Variants in PRKG1 observed in about 807,000 individuals in gnomAD.
The protein encoded by PRKG1 is cGMP-dependent protein kinase 1.
PRKG1 carries 35 observed loss-of-function variants against 88.1 expected under a neutral mutation model. The observed-to-expected ratio is 0.40, with a 90% CI of 0.30 to 0.53. The LOEUF is 0.53. Among genes scored for constraint, PRKG1 ranks in the 20% least tolerant of loss-of-function variants. The pLI, the probability that PRKG1 is intolerant of heterozygous loss-of-function variation, is 0.59. For synonymous variants in PRKG1, 303 were observed against 292.5 expected, an observed-to-expected ratio of 1.04 and a Z score of -0.37; for missense variants, 540 against 839.8, an observed-to-expected ratio of 0.64 and a Z score of 4.41.
chr10:51,437,894 A>G (rs981995675), intron 2 of PRKG1, among the ~76,000 whole-genome samples: 2 of 150,638 alleles, frequency 1.3e-5, no homozygotes, highest in African/African-American at 4.9e-5. Flanking sequence ...ATAATTTACA[A>G]GACAAGACAG....
intron 1 of PRKG1, among the ~76,000 whole-genome samples, chr10:51,121,358 AATT>A (rs1384047819): frequency 2.6e-5 from 4 of 152,148 alleles, no homozygotes; most frequent in Admixed American, 2.6e-4. Context: ...TGATGGAGGA[AATT>A]ATTATATTAT....
chr10:51,455,335 T>G (rs1008058996), intron 2 of PRKG1, among the ~76,000 whole-genome samples: 2 of 152,264 alleles, frequency 1.3e-5, no homozygotes, highest in African/African-American at 4.8e-5. Flanking sequence ...GTCTCTGACA[T>G]GCCCTGTAGA....
chr10:51,565,704 G>A (rs761550813), intron 3 of PRKG1, among the ~76,000 whole-genome samples: 9 of 151,988 alleles, frequency 5.9e-5, no homozygotes, highest in Admixed American at 6.6e-5. Context: ...TAAAACACTT[G>A]TTCCTGAAAA....
chr10:52,100,596 C>T (rs1847273455), intron 7 of PRKG1, among the ~76,000 whole-genome samples: 1 of 152,174 alleles, frequency 6.6e-6, no homozygotes, highest in East Asian at 1.9e-4. Flanking sequence ...TAAACCTTGA[C>T]AACTATGCAA....
intron 4 of PRKG1, among the ~76,000 whole-genome samples, chr10:51,894,679 G>C (rs986709457): frequency 6.6e-6 from 1 of 152,092 alleles, no homozygotes; most frequent in Non-Finnish European, 1.5e-5. Context: ...TTTGACCAAA[G>C]ATCTGTTATA....
At chr10:51,628,411 C>T (rs891450943) in intron 3 of PRKG1, among the ~76,000 whole-genome samples, 6 of 151,666 alleles carry the variant, frequency 4.0e-5, no homozygotes, top group Non-Finnish European at 5.9e-5. Flanking sequence ...ATTCCACCCG[C>T]CTCGCCCTCC....
chr10:51,238,730 C>A (rs1439203053), intron 2 of PRKG1, among the ~76,000 whole-genome samples: 2 of 149,872 alleles, frequency 1.3e-5, no homozygotes, highest in Admixed American at 1.3e-4. Context: ...CACTGCACTC[C>A]AGCCTGGGAG....
chr10:52,266,457 G>A (rs1237178763), intron 10 of PRKG1, among the ~76,000 whole-genome samples: 1 of 151,702 alleles, frequency 6.6e-6, no homozygotes, highest in Non-Finnish European at 1.5e-5. Context: ...ACTTATAAGT[G>A]AGAACATGCG....
chr10:51,181,534 C>A (rs530920420), intron 2 of PRKG1, among the ~76,000 whole-genome samples: 3 of 152,104 alleles, frequency 2.0e-5, no homozygotes, highest in Non-Finnish European at 4.4e-5. Flanking sequence ...AGCCACCGCG[C>A]CCGGCCTAGA....
intron 17 of PRKG1, among the ~76,000 whole-genome samples, chr10:52,290,783 G>A (rs1842221316): frequency 6.6e-6 from 1 of 152,076 alleles, no homozygotes; most frequent in Non-Finnish European, 1.5e-5. Context: ...TTGAGCCCAG[G>A]AATTTGAGCT....
At chr10:52,087,009 G>A (rs922118402) in intron 7 of PRKG1, among the ~76,000 whole-genome samples, 5 of 152,068 alleles carry the variant, frequency 3.3e-5, no homozygotes, top group African/African-American at 1.2e-4. Flanking sequence ...GAGGGTAACC[G>A]CCCCATAATT....
chr10:51,077,847 A>G (rs1053600249), intron 1 of PRKG1, among the ~76,000 whole-genome samples: 5 of 151,394 alleles, frequency 3.3e-5, no homozygotes, highest in South Asian at 4.1e-4. Flanking sequence ...AAACTACTAA[A>G]CTATATTTGG....
At chr10:52,238,408 C>T (rs1309160563) in intron 9 of PRKG1, among the ~76,000 whole-genome samples, 5 of 147,900 alleles carry the variant, frequency 3.4e-5, no homozygotes, top group East Asian at 4.0e-4. Context: ...AGAAAATTTT[C>T]GCAACCTACT....
At chr10:52,057,647 T>C (rs186185886) in intron 6 of PRKG1, among the ~76,000 whole-genome samples, 1 of 152,262 alleles carries the variant, frequency 6.6e-6, no homozygotes, top group Non-Finnish European at 1.5e-5. Context: ...TCAACATACC[T>C]CGTATCCTAC....
chr10:51,134,896 G>A (rs1189532230), intron 1 of PRKG1, among the ~76,000 whole-genome samples: 29 of 152,106 alleles, frequency 1.9e-4, no homozygotes, highest in Non-Finnish European at 1.5e-5. Flanking sequence ...CAATAAACCA[G>A]TGTATATACA....
At chr10:51,559,998 C>T (rs1837415937) in intron 3 of PRKG1, among the ~76,000 whole-genome samples, 1 of 152,086 alleles carries the variant, frequency 6.6e-6, no homozygotes, top group South Asian at 2.1e-4. Context: ...GTAAATTCTG[C>T]AACAGTGACG....
intron 3 of PRKG1, among the ~76,000 whole-genome samples, chr10:51,801,983 C>G (rs1839185635): frequency 6.6e-6 from 1 of 152,156 alleles, no homozygotes; most frequent in Admixed American, 6.5e-5. Context: ...CAGTAATCAT[C>G]ATGAAAATCA....
At position 51,670,750 on chromosome 10, in the gene PRKG1, AAAT is replaced by A. The variant is rs1284581905; in HGVS notation, c.593-133832_593-133830del. 6.6e-4 allele frequency among the ~76,000 whole-genome samples: 48 copies of A among 72,326 alleles called. 1 individual carries two copies. The highest frequency in any genetic ancestry group is 2.7e-3 in the African/African-American group (48 of 18,046). 47.4% of individuals were successfully genotyped at this position (72,326 alleles called of 152,430 possible). On this transcript the variant is annotated intron_variant, in intron 3 of 17. Transcript: ENST00000373980. ...GACTCCGTCTCAAAAAAAAATAAAT[AAAT>A]AAATAAATAAATAAATAAATAAATA...
intron 3 of PRKG1, among the ~76,000 whole-genome samples, chr10:51,519,285 T>A (rs4590815): frequency 6.6e-6 from 1 of 152,132 alleles, no homozygotes; most frequent in African/African-American, 2.4e-5. Flanking sequence ...TTTAACCTTT[T>A]CAACAACCTA....
Sources: allele counts gnomAD v4.1 joint callset (sites outside exome capture counted in the v4.1 genomes callset), GRCh38; gene constraint gnomAD v4.1.1; transcripts MANE v1.5; gene names NCBI Gene and HGNC (gene_info 2026-07-23, HGNC 2026-07-21).